TTC7B: variants seen among roughly 807,000 people sequenced by gnomAD.
TTC7B encodes tetratricopeptide repeat domain 7B.
In TTC7B, 28 loss-of-function variants were observed where a neutral mutation model predicts 106.8. The ratio of observed to expected loss-of-function variants is 0.26; its 90% confidence interval spans 0.19 to 0.36. The LOEUF is 0.36. TTC7B is among the 10% of genes least tolerant of loss of function. The pLI is 1.00. For synonymous variants in TTC7B, 405 were observed against 430.6 expected (o/e 0.94, Z 0.74); for missense variants, 862 against 1,076.4 (o/e 0.80, Z 2.79).
rs775455352 is a variant in TTC7B, at chr14:90,608,416, T to C, written c.1966+2326A>G. ...GGTGGTGTAGGGCTGGTGGCAGGAG[T>C]CTCAGAAGGACTCGCGTGGATGACT... On this transcript the variant is annotated intron_variant, in intron 17 of 19. Transcript: ENST00000328459. The surrounding 1 kb of genome is among the most constrained non-coding windows in gnomAD (Gnocchi z 5.1). 6.7e-6 allele frequency among the ~76,000 whole-genome samples: 1 copy of C among 149,286 alleles called. No homozygotes were observed. Among genetic ancestry groups the C allele is most frequent in the Non-Finnish European group, 1.5e-5 (1 of 67,138 alleles).
At chr14:90,695,985 A>G (rs780806998) in intron 5 of TTC7B, among the ~76,000 whole-genome samples, 1 of 152,158 alleles carries the variant, frequency 6.6e-6, no homozygotes, top group Non-Finnish European at 1.5e-5. Flanking sequence ...CAACATGGGT[A>G]AGGATAAAAT....
chr14:90,698,440 TA>T (rs1205308016), intron 5 of TTC7B: 1 of 152,202 alleles, frequency 6.6e-6, no homozygotes, highest in African/African-American at 2.4e-5. Flanking sequence ...AAAATGAAGA[TA>T]AGAGAGCCAA....
At chr14:90,647,116 A>T (rs370482874) in intron 13 of TTC7B, 93 bp from the exon 14 acceptor site, 3 of 1,045,584 alleles carry the variant, frequency 2.9e-6, no homozygotes, top group Non-Finnish European at 4.5e-6. Flanking sequence ...GCATTCTTAT[A>T]CTAAGGGCCC....
At chr14:90,547,766 C>T (rs1440230678) in intron 19 of TTC7B, among the ~76,000 whole-genome samples, 1 of 152,020 alleles carries the variant, frequency 6.6e-6, no homozygotes, top group Non-Finnish European at 1.5e-5. Context: ...CACTGCACTC[C>T]ATCCTGGGTG....
chr14:90,719,878 G>A (rs1566854569), intron 5 of TTC7B, among the ~76,000 whole-genome samples: 2 of 152,198 alleles, frequency 1.3e-5, no homozygotes, highest in South Asian at 4.1e-4. Flanking sequence ...GGATGAGTTG[G>A]CTGGACAAGA....
At chr14:90,656,827 G>A (rs1232965344) in intron 11 of TTC7B, among the ~76,000 whole-genome samples, 1 of 152,192 alleles carries the variant, frequency 6.6e-6, no homozygotes, top group Non-Finnish European at 1.5e-5. Flanking sequence ...GGTTCAGCCA[G>A]GGATGCTAAT....
At chr14:90,720,940 A>C (rs1888872075) in intron 5 of TTC7B, among the ~76,000 whole-genome samples, 1 of 152,188 alleles carries the variant, frequency 6.6e-6, no homozygotes, top group Admixed American at 6.5e-5. Context: ...GTGAATGGAT[A>C]AACAAACAAG....
In TTC7B at chr14:90,718,981, C is replaced by T. The variant is rs1330108888; in HGVS notation, c.698+11094G>A. 7.2e-5 allele frequency among the ~76,000 whole-genome samples: 11 copies of T among 152,054 alleles called. No homozygotes were observed. In the East Asian group the frequency reaches 1.9e-3, roughly 27 times the overall value. On this transcript the variant is annotated intron_variant, in intron 5 of 19. Transcript: ENST00000328459. ...TTTTGAGAATTTAACCTCAGGTTGG[C>T]CGGGCACAGTGGCTTGCGCCTGTAA...
At chr14:90,606,420 A>G (rs896957198) in intron 17 of TTC7B, among the ~76,000 whole-genome samples, 7 of 152,232 alleles carry the variant, frequency 4.6e-5, no homozygotes, top group African/African-American at 7.2e-5. Context: ...TTCAAGTTAA[A>G]ATACTTATTT....
intron 7 of TTC7B, among the ~76,000 whole-genome samples, chr14:90,686,765 A>C (rs1222002381): frequency 6.6e-6 from 1 of 152,240 alleles, no homozygotes; most frequent in African/African-American, 2.4e-5. Context: ...GCATGCACAC[A>C]TGTGCACGCA....
At chr14:90,626,866 C>T (rs971315182) in intron 15 of TTC7B, among the ~76,000 whole-genome samples, 4 of 152,170 alleles carry the variant, frequency 2.6e-5, no homozygotes, top group African/African-American at 7.2e-5. Flanking sequence ...CTCTCCTAAG[C>T]GCGTCTTCTC....
chr14:90,607,714 T>G (rs1892704039), intron 17 of TTC7B, among the ~76,000 whole-genome samples: 1 of 152,180 alleles, frequency 6.6e-6, no homozygotes, highest in African/African-American at 2.4e-5. Flanking sequence ...AATCCATGTG[T>G]CATGGAATAC....
At chr14:90,595,942 C>A (rs1040128021) in intron 17 of TTC7B, among the ~76,000 whole-genome samples, 1 of 152,168 alleles carries the variant, frequency 6.6e-6, no homozygotes, top group African/African-American at 2.4e-5. Context: ...TGCTTCCCTG[C>A]AGCACAAGCG....
chr14:90,566,014 A>C (rs1890778497), intron 19 of TTC7B, among the ~76,000 whole-genome samples: 1 of 152,192 alleles, frequency 6.6e-6, no homozygotes, highest in African/African-American at 2.4e-5. Context: ...AGAATTTCCA[A>C]AGTGTGACAC....
At chr14:90,571,745 A>T (rs1046717394) in intron 19 of TTC7B, among the ~76,000 whole-genome samples, 1 of 152,204 alleles carries the variant, frequency 6.6e-6, no homozygotes, top group Non-Finnish European at 1.5e-5. Flanking sequence ...CATCAGCTTA[A>T]TTGGGCCTGG....
chr14:90,653,177 T>A (rs1412043720), intron 12 of TTC7B, among the ~76,000 whole-genome samples: 1 of 152,116 alleles, frequency 6.6e-6, no homozygotes, highest in Non-Finnish European at 1.5e-5. Context: ...TGGGGGCCAT[T>A]TGCAAAAGAC....
intron 1 of TTC7B, among the ~76,000 whole-genome samples, chr14:90,797,524 TC>T (rs1461040519): frequency 6.6e-6 from 1 of 151,344 alleles, no homozygotes; most frequent in Non-Finnish European, 1.5e-5. Flanking sequence ...CTTCCTGTAA[TC>T]CCGGGTAACC....
At chr14:90,775,446 C>A (rs999272162) in intron 3 of TTC7B, among the ~76,000 whole-genome samples, 4 of 152,122 alleles carry the variant, frequency 2.6e-5, no homozygotes, top group Non-Finnish European at 5.9e-5. Flanking sequence ...AGCCAGAGGT[C>A]AAACCTGGAC....
intron 9 of TTC7B, among the ~76,000 whole-genome samples, chr14:90,674,703 CAGTT>C (rs1193727092): frequency 6.6e-6 from 1 of 152,210 alleles, no homozygotes; most frequent in Non-Finnish European, 1.5e-5. Context: ...TATATTTCAT[CAGTT>C]GGTTGAGATT....
Sources: gnomAD v4.1 joint callset for allele counts (sites outside exome capture counted in the v4.1 genomes callset) on GRCh38, gnomAD v4.1.1 for gene constraint, Gnocchi (gnomAD v3.1) non-coding constraint, MANE v1.5 for transcripts, NCBI Gene and HGNC (gene_info 2026-07-23, HGNC 2026-07-21) for gene names.